SLC6A11: variants seen among roughly 807,000 people sequenced by gnomAD.
SLC6A11 encodes sodium- and chloride-dependent GABA transporter 3.
In SLC6A11, 25 loss-of-function variants were observed where a neutral mutation model predicts 74.8. The ratio of observed to expected loss-of-function variants is 0.33; its 90% CI spans 0.24 to 0.47. SLC6A11 has a LOEUF of 0.47. Ranked by LOEUF, SLC6A11 falls within the 20% of genes least tolerant of loss-of-function variation. The probability of loss-of-function intolerance (pLI) is 1.00; values close to 1 mark genes in which losing one functional copy is unlikely to be tolerated. For missense variants in SLC6A11, 574 were observed against 837.0 expected, an observed-to-expected ratio of 0.69 and a Z score of 3.88; for synonymous variants, 330 against 330.2, an observed-to-expected ratio of 1.00 and a Z score of 0.01.
At chr3:10,913,546 A>T (rs1334146798) in intron 7 of SLC6A11, among the ~76,000 whole-genome samples, 1 of 152,200 alleles carries the variant, frequency 6.6e-6, no homozygotes. Flanking sequence ...ACATTATTTT[A>T]TTTACAAATA....
At chr3:10,868,800 C>A (rs1694794318) in intron 5 of SLC6A11, among the ~76,000 whole-genome samples, 1 of 152,188 alleles carries the variant, frequency 6.6e-6, no homozygotes, top group Admixed American at 6.5e-5. Flanking sequence ...AATTCTAGGG[C>A]CTCAGACATC....
Position 10,909,066 on chromosome 3 carries a change from T to G in SLC6A11, c.892-3024T>G, listed in dbSNP as rs929150799. 2.8e-5 allele frequency among the ~76,000 whole-genome samples: 4 copies of G among 143,446 alleles called. No individual in the cohort carries two copies. In the South Asian group the frequency reaches 8.9e-4, roughly 32 times the overall value. The allele number at this position is 143,446 out of a possible 152,430, so 94.1% of individuals were successfully genotyped here. On this transcript the variant is annotated intron_variant, in intron 6 of 13. Transcript: ENST00000254488. ...AATTCTCAGGTAGACTCTTCCTTCATGGCCAGTGATGCCCCCAGCAGTTAC... is the reference window on the plus strand; with the variant it reads ...AATTCTCAGGTAGACTCTTCCTTCAGGGCCAGTGATGCCCCCAGCAGTTAC...
chr3:10,827,252 T>C (rs1193879366), intron 4 of SLC6A11, among the ~76,000 whole-genome samples: 2 of 152,180 alleles, frequency 1.3e-5, no homozygotes, highest in African/African-American at 2.4e-5. Flanking sequence ...TCCAAACTTA[T>C]TTTCCTATGG....
intron 3 of SLC6A11, among the ~76,000 whole-genome samples, chr3:10,822,682 A>G (rs1694153702): frequency 6.6e-6 from 1 of 152,092 alleles, no homozygotes; most frequent in African/African-American, 2.4e-5. Flanking sequence ...CTTTTACTTG[A>G]GATTAAATCT....
At chr3:10,856,883 T>C (rs1694644569) in intron 5 of SLC6A11, among the ~76,000 whole-genome samples, 1 of 152,144 alleles carries the variant, frequency 6.6e-6, no homozygotes, top group African/African-American at 2.4e-5. Context: ...TTTCCTCAGC[T>C]TTACCTGGGG....
chr3:10,843,641 CTG>C (rs1427286815), intron 4 of SLC6A11, among the ~76,000 whole-genome samples: 5 of 152,180 alleles, frequency 3.3e-5, no homozygotes, highest in Non-Finnish European at 7.4e-5. Flanking sequence ...CCTGCTCAGA[CTG>C]TGTCTCTGAC....
chr3:10,940,374 A>T lies in SLC6A11; in HGVS notation c.*1972A>T, dbSNP rs1015840506. On this transcript the variant is annotated 3_prime_UTR_variant, in exon 14 of 14. Coordinates refer to ENST00000254488, the MANE Select transcript of SLC6A11 (RefSeq NM_014229.3). ...AGATCCCTGTGGTCCGCCATCGCCG[A>T]CACACACACACGTCGTAATGTGGCT... 1.1e-4 allele frequency: 12 copies of T among 109,766 alleles called. No individual in the cohort carries two copies. The highest frequency in any genetic ancestry group is 4.5e-4 in the African/African-American group (12 of 26,634). The allele number at this position is 109,766 out of a possible 1,614,324, so 6.8% of individuals were successfully genotyped here.
At chr3:10,936,780 CT>C (rs1695764647) in intron 13 of SLC6A11, among the ~76,000 whole-genome samples, 1 of 152,200 alleles carries the variant, frequency 6.6e-6, no homozygotes, top group Non-Finnish European at 1.5e-5. Flanking sequence ...TCCAGATGGC[CT>C]TTTGGTGTTC....
intron 6 of SLC6A11, among the ~76,000 whole-genome samples, chr3:10,902,063 CGTGTGTCTGTGTGT>C (rs1214054544): frequency 6.8e-6 from 1 of 147,468 alleles, no homozygotes; most frequent in Non-Finnish European, 1.5e-5. Flanking sequence ...GTTGTGTGTG[CGTGTGTCTGTGTGT>C]GTGTGGGTCT....
intron 10 of SLC6A11, among the ~76,000 whole-genome samples, chr3:10,930,830 G>A (rs1314912678): frequency 6.6e-6 from 1 of 152,112 alleles, no homozygotes; most frequent in African/African-American, 2.4e-5. Context: ...CCCAAGGGGT[G>A]TTTCATGGCC....
chr3:10,871,261 A>G (rs1694825202), intron 5 of SLC6A11, among the ~76,000 whole-genome samples: 1 of 152,192 alleles, frequency 6.6e-6, no homozygotes, highest in South Asian at 2.1e-4. Flanking sequence ...AAGCATAATC[A>G]CATCAAAGTG....
chr3:10,857,338 C>G (rs1575678075), intron 5 of SLC6A11, among the ~76,000 whole-genome samples: 1 of 152,108 alleles, frequency 6.6e-6, no homozygotes, highest in Non-Finnish European at 1.5e-5. Flanking sequence ...CTGGGCCAGA[C>G]TTCAGAGTAG....
chr3:10,831,726 C>T (rs1243388514), intron 4 of SLC6A11, among the ~76,000 whole-genome samples: 1 of 152,112 alleles, frequency 6.6e-6, no homozygotes, highest in South Asian at 2.1e-4. Flanking sequence ...ATAGGAGCCA[C>T]GGGGTTAGTG....
At chr3:10,858,331 C>CT (rs1190398201) in intron 5 of SLC6A11, among the ~76,000 whole-genome samples, 1 of 152,188 alleles carries the variant, frequency 6.6e-6, no homozygotes, top group African/African-American at 2.4e-5. Context: ...GAGTTAGCTT[C>CT]TCACTCGAAT....
At chr3:10,938,166 G>T in intron 13 of SLC6A11, 84 bp from the exon 14 acceptor site, 5 of 1,309,232 alleles carry the variant, frequency 3.8e-6, no homozygotes, top group South Asian at 1.7e-5. Context: ...CCAGATGTCC[G>T]CCGTGTGCTT....
chr3:10,821,355 T>C (rs551997106), intron 3 of SLC6A11, among the ~76,000 whole-genome samples: 8 of 152,288 alleles, frequency 5.3e-5, no homozygotes, highest in African/African-American at 1.9e-4. Flanking sequence ...GCAAATAGAA[T>C]GATGATGGCC....
chr3:10,925,977 T>G lies in SLC6A11; in HGVS notation c.1121-27T>G, dbSNP rs764783549. ...ATATGAGGGATGGGACTCCACCCAG[T>G]GGCTTTCTCTCTCTCCCTCGCTCCA... On this transcript the variant is annotated intron_variant, in intron 8 of 13. Coordinates refer to ENST00000254488, the MANE Select transcript of SLC6A11 (RefSeq NM_014229.3). 6 of 1,321,156 alleles carry G rather than the reference T, an allele frequency of 4.5e-6. No homozygotes were observed. In the South Asian group the frequency reaches 7.2e-5, roughly 16 times the overall value. 81.8% of individuals were successfully genotyped at this position (1,321,156 alleles called of 1,614,324 possible).
intron 10 of SLC6A11, among the ~76,000 whole-genome samples, chr3:10,930,538 T>G (rs1171920114): frequency 6.6e-6 from 1 of 152,166 alleles, no homozygotes; most frequent in Non-Finnish European, 1.5e-5. Flanking sequence ...TCCACCTCAC[T>G]TCTCCCCACT....
chr3:10,922,439 A>G (rs1219545172), intron 8 of SLC6A11, among the ~76,000 whole-genome samples: 1 of 152,218 alleles, frequency 6.6e-6, no homozygotes, highest in Non-Finnish European at 1.5e-5. Context: ...GTTTTTAAAA[A>G]GCAGATATCT....
Sources: gnomAD v4.1 joint callset for allele counts (sites outside exome capture counted in the v4.1 genomes callset) on GRCh38, gnomAD v4.1.1 for gene constraint, MANE v1.5 for transcripts, NCBI Gene and HGNC (gene_info 2026-07-23, HGNC 2026-07-21) for gene names.